Variants in NLGN1 observed in about 807,000 individuals in gnomAD.
NLGN1 encodes neuroligin-1.
A neutral mutation model predicts 65.5 loss-of-function variants in NLGN1; 12 were observed. That is an observed-to-expected ratio of 0.18 (90% CI 0.12 to 0.30). The LOEUF (loss-of-function observed/expected upper bound fraction) is 0.30. Among genes scored for constraint, NLGN1 ranks in the 10% least tolerant of loss-of-function variants. The pLI is 1.00. For missense variants in NLGN1, 750 were observed against 1,007.1 expected (o/e 0.74, Z 3.46); for synonymous variants, 350 against 359.5 (o/e 0.97, Z 0.30).
intron 3 of NLGN1, among the ~76,000 whole-genome samples, chr3:173,687,723 C>G (rs999928594): frequency 2.0e-5 from 3 of 152,170 alleles, no homozygotes; most frequent in African/African-American, 7.2e-5. Flanking sequence ...GTATGTCCAG[C>G]AAGGTCTTTG....
intron 4 of NLGN1, among the ~76,000 whole-genome samples, chr3:174,241,912 C>T (rs1742939844): frequency 6.6e-6 from 1 of 152,154 alleles, no homozygotes. Flanking sequence ...CCCGCCTTGG[C>T]CTCCCAAAGT....
intron 4 of NLGN1, among the ~76,000 whole-genome samples, chr3:174,061,524 T>A (rs1737413219): frequency 6.6e-6 from 1 of 152,074 alleles, no homozygotes; most frequent in Non-Finnish European, 1.5e-5. Context: ...TGTCAACCCA[T>A]ATAAAATAAT....
At chr3:173,779,659 A>AAG (rs1165641984) in intron 3 of NLGN1, among the ~76,000 whole-genome samples, 1 of 152,126 alleles carries the variant, frequency 6.6e-6, no homozygotes, top group Non-Finnish European at 1.5e-5. Flanking sequence ...ACCTAGTGTT[A>AAG]ATATGGTTTG....
chr3:174,248,975 G>A (rs1001489501), intron 4 of NLGN1, among the ~76,000 whole-genome samples: 3 of 152,092 alleles, frequency 2.0e-5, no homozygotes, highest in South Asian at 2.1e-4. Context: ...CCACATCCAG[G>A]AAATCTGCGA....
At chr3:173,549,135 C>A (rs1288917057) in intron 2 of NLGN1, among the ~76,000 whole-genome samples, 2 of 151,926 alleles carry the variant, frequency 1.3e-5, no homozygotes, top group Non-Finnish European at 2.9e-5. Flanking sequence ...TGTTCACCAT[C>A]ATTGTGGATT....
chr3:173,714,401 A>T (rs1333930435), intron 3 of NLGN1, among the ~76,000 whole-genome samples: 1 of 152,150 alleles, frequency 6.6e-6, no homozygotes, highest in East Asian at 1.9e-4. Context: ...TGCCTTCCTT[A>T]AGTGTAACTA....
chr3:173,760,229 A>G (rs921166627), intron 3 of NLGN1, among the ~76,000 whole-genome samples: 2 of 151,964 alleles, frequency 1.3e-5, no homozygotes, highest in African/African-American at 2.4e-5. Flanking sequence ...GCTTTTATCT[A>G]TATGCCTACT....
chr3:173,815,462 A>T (rs535072225), intron 4 of NLGN1, among the ~76,000 whole-genome samples: 38 of 151,978 alleles, frequency 2.5e-4, no homozygotes, highest in African/African-American at 7.7e-4. Context: ...AGACCTCTAG[A>T]TTGCCAACTT....
intron 4 of NLGN1, among the ~76,000 whole-genome samples, chr3:174,267,031 A>T (rs979940847): frequency 2.6e-5 from 4 of 152,162 alleles, no homozygotes; most frequent in African/African-American, 9.6e-5. Context: ...TCTAATAATG[A>T]TAATTTTATG....
At chr3:173,860,171 T>G (rs1728782329) in intron 4 of NLGN1, among the ~76,000 whole-genome samples, 1 of 152,068 alleles carries the variant, frequency 6.6e-6, no homozygotes, top group Non-Finnish European at 1.5e-5. Context: ...ATTTCTAGTT[T>G]CTTTTTTTCA....
chr3:174,226,143 C>A (rs1739641028), intron 4 of NLGN1, among the ~76,000 whole-genome samples: 1 of 151,928 alleles, frequency 6.6e-6, no homozygotes, highest in Non-Finnish European at 1.5e-5. Context: ...AAACATATGG[C>A]TGGAAGTGCC....
Position 173,523,952 on chromosome 3 carries a change from T to A in NLGN1, c.-320-80327T>A, listed in dbSNP as rs1407812919. 5.7e-5 allele frequency among the ~76,000 whole-genome samples: 8 copies of A among 139,224 alleles called. No homozygotes were observed. In the Admixed American group the frequency reaches 6.0e-4, roughly 10 times the overall value. The allele number at this position is 139,224 out of a possible 152,430, so 91.3% of individuals were successfully genotyped here. On this transcript the variant is annotated intron_variant, in intron 2 of 6. Transcript: ENST00000457714. The stretch of plus-strand genomic sequence containing the variant: ...TTTTTTTTTTTTGAGACAGAGTCAC[T>A]CTCTGTCACCCAGGCTGGAGTGCAG...
intron 4 of NLGN1, among the ~76,000 whole-genome samples, chr3:173,939,804 T>C (rs1278665430): frequency 6.6e-6 from 1 of 152,190 alleles, no homozygotes; most frequent in African/African-American, 2.4e-5. Context: ...GTTTTGTTTT[T>C]GTTTTTGTTT....
At chr3:173,588,820 C>T (rs907980859) in intron 2 of NLGN1, among the ~76,000 whole-genome samples, 6 of 152,112 alleles carry the variant, frequency 3.9e-5, no homozygotes, top group African/African-American at 1.4e-4. Context: ...ATAAAACGTT[C>T]AAGTCCCCAT....
intron 3 of NLGN1, among the ~76,000 whole-genome samples, chr3:173,690,682 A>C (rs1765336689): frequency 6.6e-6 from 1 of 152,206 alleles, no homozygotes; most frequent in Non-Finnish European, 1.5e-5. Context: ...TCTGTAATCA[A>C]GTTAATGAAG....
chr3:173,405,372 A>C (rs1285597923), intron 1 of NLGN1, among the ~76,000 whole-genome samples: 1 of 151,568 alleles, frequency 6.6e-6, no homozygotes, highest in Non-Finnish European at 1.5e-5. Flanking sequence ...AATAAGAAGA[A>C]TACCAACAAT....
chr3:174,004,432 G>A (rs962453297), intron 4 of NLGN1, among the ~76,000 whole-genome samples: 1 of 152,074 alleles, frequency 6.6e-6, no homozygotes, highest in Non-Finnish European at 1.5e-5. Context: ...TCTTGCAACA[G>A]CTATCATTCC....
At chr3:173,997,507 A>G (rs764722642) in intron 4 of NLGN1, among the ~76,000 whole-genome samples, 8 of 152,186 alleles carry the variant, frequency 5.3e-5, no homozygotes, top group Non-Finnish European at 1.0e-4. Context: ...TCCAGGGCTC[A>G]TAGTCCCTAG....
chr3:174,003,404 C>T (rs941889831), intron 4 of NLGN1, among the ~76,000 whole-genome samples: 6 of 151,822 alleles, frequency 4.0e-5, no homozygotes, highest in Non-Finnish European at 5.9e-5. Flanking sequence ...GGGAGATTGC[C>T]GGAAATACAT....
Sources: allele counts gnomAD v4.1 joint callset (sites outside exome capture counted in the v4.1 genomes callset), GRCh38; gene constraint gnomAD v4.1.1; transcripts MANE v1.5; gene names NCBI Gene and HGNC (gene_info 2026-07-23, HGNC 2026-07-21).